The following DOCK4 variants were observed in gnomAD, a reference collection of about 807,000 sequenced individuals.
DOCK4 encodes the protein dedicator of cytokinesis 4.
A neutral mutation model predicts 268.1 loss-of-function variants in DOCK4; 97 were observed. The ratio of observed to expected loss-of-function variants is 0.36; its 90% CI spans 0.31 to 0.43. DOCK4 has a LOEUF of 0.43. Ranked by LOEUF, DOCK4 falls within the 20% of genes least tolerant of loss-of-function variation. The pLI, the probability that DOCK4 is intolerant of heterozygous loss-of-function variation, is 1.00. For synonymous variants in DOCK4, 954 were observed against 887.2 expected, an observed-to-expected ratio of 1.08 and a Z score of -1.34; for missense variants, 2,145 against 2,455.7, an observed-to-expected ratio of 0.87 and a Z score of 2.67.
chr7:112,165,238 C>G (rs922009196), intron 1 of DOCK4, among the ~76,000 whole-genome samples: 3 of 152,120 alleles, frequency 2.0e-5, no homozygotes, highest in African/African-American at 7.2e-5. Context: ...ACTCTGCTAT[C>G]AAACACTGAA....
At chr7:111,880,061 C>T (rs1190765786) in intron 16 of DOCK4, among the ~76,000 whole-genome samples, 1 of 152,108 alleles carries the variant, frequency 6.6e-6, no homozygotes, top group African/African-American at 2.4e-5. Flanking sequence ...AGAAAGATAT[C>T]AGCATTCAAG....
intron 28 of DOCK4, 145 bp from the exon 29 acceptor site, chr7:111,809,546 G>A (rs1263190386): frequency 8.0e-6 from 5 of 627,404 alleles, no homozygotes; most frequent in Non-Finnish European, 1.4e-5. Context: ...AGTTGAAGCT[G>A]GATATGGGTA....
At chr7:112,133,136 T>TA (rs1813960802) in intron 1 of DOCK4, among the ~76,000 whole-genome samples, 1 of 152,158 alleles carries the variant, frequency 6.6e-6, no homozygotes, top group African/African-American at 2.4e-5. Context: ...ATACAGGTCA[T>TA]ACCGCATCTC....
chr7:112,112,470 C>A (rs1451753000), intron 1 of DOCK4, among the ~76,000 whole-genome samples: 1 of 151,970 alleles, frequency 6.6e-6, no homozygotes, highest in Non-Finnish European at 1.5e-5. Context: ...GGTGAAACCC[C>A]ATCTCTACTA....
Position 111,758,765 on chromosome 7 carries a change from G to A in DOCK4, c.4188C>T (p.Pro1396=). ...GCAGGACCTCCTGGCTCTCTGGAAT[G>A]GGAGTCACAGCATATATCTGCAAAT... is the stretch of plus-strand genomic sequence containing the variant. ...AQYLQIYAVT[P]IPESQEVLQR... The change falls in exon 41 of 53, where the codon CCC becomes CCT. Residue 1396 remains proline (P), a synonymous_variant. Coordinates refer to ENST00000428084, the MANE Select transcript of DOCK4 (RefSeq NM_001363540.2). The A allele has an allele frequency of 6.2e-7, 1 of 1,613,880 alleles. No individual in the cohort carries two copies. The highest frequency in any genetic ancestry group is 8.5e-7 in the Non-Finnish European group (1 of 1,179,832).
intron 12 of DOCK4, among the ~76,000 whole-genome samples, chr7:111,918,449 T>G (rs1485241259): frequency 2.6e-5 from 4 of 152,212 alleles, no homozygotes; most frequent in Non-Finnish European, 4.4e-5. Flanking sequence ...AAGGGGGGAA[T>G]AAGCCATCTG....
Position 111,844,786 on chromosome 7 carries a change from G to A in DOCK4, c.2713C>T (p.Arg905Trp), listed in dbSNP as rs770258303. The A allele has an allele frequency of 2.5e-6, 4 of 1,613,316 alleles. No individual in the cohort carries two copies. Among genetic ancestry groups the A allele is most frequent in the Non-Finnish European group, 3.4e-6 (4 of 1,179,578 alleles). The change falls in exon 25 of 53, where the codon CGG (arginine) becomes TGG (tryptophan). Residue 905 changes from arginine (R) to tryptophan (W), a missense_variant. This residue lies in a region of DOCK4 where 1,598 missense variants were observed against 1,986.7 expected (regional missense o/e 0.80). Coordinates refer to ENST00000428084, the MANE Select transcript of DOCK4 (RefSeq NM_001363540.2). ...SRPQPSSSAMRFQFQDVTGEF... is the reference protein window; with the variant it reads ...SRPQPSSSAMWFQFQDVTGEF... ...ACAGTGACATCCTGGAACTGGAACC[G>A]CATTGCTGAGCTGGATGGCTGAGGT...
At chr7:111,989,205 A>G (rs371221974) in intron 5 of DOCK4, 42 bp from the exon 6 acceptor site, 2 of 1,607,474 alleles carry the variant, frequency 1.2e-6, no homozygotes, top group Non-Finnish European at 1.7e-6. Flanking sequence ...GTCAGTACCT[A>G]TACTGAGTTG....
At chr7:112,008,509 C>T (rs1801033977) in intron 1 of DOCK4, among the ~76,000 whole-genome samples, 1 of 152,162 alleles carries the variant, frequency 6.6e-6, no homozygotes, top group South Asian at 2.1e-4. Context: ...TCAAACACAA[C>T]TCCTAATTTT....
At chr7:111,824,162 G>T (rs1207824009) in intron 26 of DOCK4, among the ~76,000 whole-genome samples, 1 of 152,074 alleles carries the variant, frequency 6.6e-6, no homozygotes, top group Non-Finnish European at 1.5e-5. Context: ...ATAATTTTGG[G>T]AAACACTTCA....
intron 1 of DOCK4, among the ~76,000 whole-genome samples, chr7:112,169,491 T>C (rs1817893359): frequency 6.6e-6 from 1 of 152,182 alleles, no homozygotes; most frequent in Non-Finnish European, 1.5e-5. Context: ...GTGACCCAAA[T>C]ATTTGATATT....
intron 6 of DOCK4, among the ~76,000 whole-genome samples, chr7:111,988,123 T>C (rs1799194953): frequency 6.6e-6 from 1 of 152,190 alleles, no homozygotes; most frequent in Non-Finnish European, 1.5e-5. Context: ...ATGGTTCACT[T>C]CCTGTCATTT....
At chr7:111,748,497 G>C (rs536889099) in intron 42 of DOCK4, among the ~76,000 whole-genome samples, 1 of 152,262 alleles carries the variant, frequency 6.6e-6, no homozygotes, top group South Asian at 2.1e-4. Flanking sequence ...CAAATGGCCA[G>C]TAAACAAATA....
chr7:112,152,833 C>T (rs563179840), intron 1 of DOCK4, among the ~76,000 whole-genome samples: 16 of 152,046 alleles, frequency 1.1e-4, no homozygotes, highest in Middle Eastern at 3.4e-3. Context: ...ACACACTAAG[C>T]CAACAAACGT....
chr7:112,106,695 A>G (rs1811171737), intron 1 of DOCK4, among the ~76,000 whole-genome samples: 2 of 152,206 alleles, frequency 1.3e-5, no homozygotes, highest in Admixed American at 1.3e-4. Flanking sequence ...AGCTGAATGA[A>G]TTGGCTTGTT....
intron 1 of DOCK4, among the ~76,000 whole-genome samples, chr7:112,013,447 C>T (rs571642289): frequency 3.0e-4 from 46 of 152,308 alleles, no homozygotes; most frequent in Admixed American, 7.2e-4. Context: ...AACAGTTCAA[C>T]GGAGAAATAG....
intron 25 of DOCK4, among the ~76,000 whole-genome samples, chr7:111,842,103 G>A (rs1469453650): frequency 6.6e-6 from 1 of 152,178 alleles, no homozygotes; most frequent in Non-Finnish European, 1.5e-5. Context: ...CACGTTGAAA[G>A]TGTAGCCATA....
rs774508459 is a variant in DOCK4 at position 111,788,642 on chromosome 7, G to A, written c.3401+20C>T. 35 of 1,559,880 alleles carry A rather than the reference G, an allele frequency of 2.2e-5. No individual in the cohort carries two copies. Among genetic ancestry groups the A allele is most frequent in the Non-Finnish European group, 3.0e-5 (35 of 1,148,310 alleles). On this transcript the variant is annotated intron_variant, in intron 32 of 52. Coordinates refer to ENST00000428084, the MANE Select transcript of DOCK4 (RefSeq NM_001363540.2). ...AAATCCCCCAGAATGGAATCAACTT[G>A]AGATAAACATATTACTCACATACTG...
At chr7:111,975,511 C>T (rs542409725) in intron 8 of DOCK4, among the ~76,000 whole-genome samples, 24 of 152,288 alleles carry the variant, frequency 1.6e-4, no homozygotes, top group African/African-American at 5.5e-4. Context: ...CAGTTTTTCA[C>T]GCCTTTTACT....
Sources: allele counts gnomAD v4.1 joint callset (sites outside exome capture counted in the v4.1 genomes callset), GRCh38; gene constraint gnomAD v4.1.1; regional missense constraint gnomAD v4.1.1; transcripts MANE v1.5; gene names NCBI Gene and HGNC (gene_info 2026-07-23, HGNC 2026-07-21).